Variants in PCDH15 observed in about 807,000 individuals in gnomAD.
PCDH15 encodes protocadherin related 15.
PCDH15 carries 129 observed loss-of-function variants against 178.5 expected under a neutral mutation model. That is an observed-to-expected ratio of 0.72 (90% confidence interval 0.63 to 0.84). The LOEUF (loss-of-function observed/expected upper bound fraction) is 0.84, where lower values mean the gene tolerates loss of function less well. PCDH15 is among the 40% of genes least tolerant of loss of function. The probability of loss-of-function intolerance (pLI) is 0.00; values close to 1 mark genes in which losing one functional copy is unlikely to be tolerated. For synonymous variants in PCDH15, 800 were observed against 732.0 expected, an observed-to-expected ratio of 1.09 and a Z score of -1.50; for missense variants, 2,230 against 2,099.9, an observed-to-expected ratio of 1.06 and a Z score of -1.21.
At chr10:54,805,301 C>T (rs2133722099), upstream of PCDH15, among the ~76,000 whole-genome samples, 1 of 152,042 alleles carries the variant, frequency 6.6e-6, no homozygotes. Context: ...GAATGAAGGC[C>T]TCTGCAGTAT....
At chr10:53,979,962 T>C (rs1356028769) in intron 21 of PCDH15, among the ~76,000 whole-genome samples, 1 of 152,218 alleles carries the variant, frequency 6.6e-6, no homozygotes, top group Admixed American at 6.5e-5. Flanking sequence ...CTCACGCCTG[T>C]AATCCCAGCA....
At chr10:54,572,594 A>C (rs1334944721) in intron 2 of PCDH15, among the ~76,000 whole-genome samples, 1 of 152,142 alleles carries the variant, frequency 6.6e-6, no homozygotes, top group Non-Finnish European at 1.5e-5. Flanking sequence ...CCTGAAGATC[A>C]AGCACCTGGC....
intron 3 of PCDH15, among the ~76,000 whole-genome samples, chr10:54,872,339 T>A (rs919021268): frequency 1.3e-5 from 2 of 152,050 alleles, no homozygotes. Flanking sequence ...AATAGCTGCA[T>A]AGAAACATTC....
chr10:55,384,944 C>A (rs958790266), intron 2 of PCDH15, among the ~76,000 whole-genome samples: 1 of 152,038 alleles, frequency 6.6e-6, no homozygotes, highest in Non-Finnish European at 1.5e-5. Flanking sequence ...TTTCTAGCTA[C>A]ATATAGGTAT....
At chr10:54,932,431 T>C (rs1259459865) in intron 2 of PCDH15, among the ~76,000 whole-genome samples, 2 of 152,196 alleles carry the variant, frequency 1.3e-5, no homozygotes, top group East Asian at 1.9e-4. Flanking sequence ...CTAACTCTCA[T>C]TGCAAAGATT....
At chr10:53,867,325 C>T (rs1229525276) in intron 26 of PCDH15, among the ~76,000 whole-genome samples, 1 of 152,026 alleles carries the variant, frequency 6.6e-6, no homozygotes, top group Non-Finnish European at 1.5e-5. Context: ...CTCTATACCA[C>T]TGTAGAATAA....
intron 2 of PCDH15, among the ~76,000 whole-genome samples, chr10:55,594,129 T>A (rs117421310): frequency 6.6e-6 from 1 of 152,056 alleles, no homozygotes; most frequent in East Asian, 1.9e-4. Flanking sequence ...ACAATATAAG[T>A]ACAAATAATA....
intron 18 of PCDH15, among the ~76,000 whole-genome samples, chr10:54,062,238 AAAAAAAAAAAAAAACAAAAAAC>A (rs1345916764): frequency 6.2e-5 from 6 of 97,354 alleles, no homozygotes; most frequent in Non-Finnish European, 1.3e-4. Context: ...AAAAAAAAAA[AAAAAAAAAAAAAAACAAAAAAC>A]AACTAAATGA....
intron 15 of PCDH15, among the ~76,000 whole-genome samples, chr10:54,120,291 T>C (rs1351952994): frequency 6.6e-6 from 1 of 152,154 alleles, no homozygotes; most frequent in African/African-American, 2.4e-5. Flanking sequence ...CCAAGAACCA[T>C]ATCTGCTACC....
At chr10:54,126,072 ATTT>A (rs5785039) in intron 15 of PCDH15, among the ~76,000 whole-genome samples, 3 of 139,140 alleles carry the variant, frequency 2.2e-5, no homozygotes. Context: ...AAGAATTACC[ATTT>A]TTTTTTTTTT....
At chr10:55,141,364 C>T (rs2132089014) in intron 2 of PCDH15, among the ~76,000 whole-genome samples, 1 of 152,054 alleles carries the variant, frequency 6.6e-6, no homozygotes, top group East Asian at 1.9e-4. Flanking sequence ...AGTCAAATTG[C>T]TGCAAAAAGC....
At chr10:55,529,731 TTGTC>T (rs1193333943) in intron 2 of PCDH15, among the ~76,000 whole-genome samples, 57 of 83,460 alleles carry the variant, frequency 6.8e-4, no homozygotes, top group African/African-American at 2.1e-3. Context: ...ATATATGTGT[TTGTC>T]TGTGAGTATA....
intron 2 of PCDH15, among the ~76,000 whole-genome samples, chr10:55,135,242 G>A (rs774499018): frequency 1.3e-5 from 2 of 151,864 alleles, no homozygotes; most frequent in African/African-American, 4.8e-5. Context: ...ATGATCAGAG[G>A]GATAACAACG....
chr10:55,173,309 ATGTGTGTG>A lies in PCDH15; in HGVS notation c.-155-6666_-155-6659del, dbSNP rs775260037. Among the ~76,000 whole-genome samples the A allele has an allele frequency of 1.2e-3, 159 of 133,134 alleles. 1 individual carries two copies. In the Middle Eastern group the frequency reaches 0.026, roughly 22 times the overall value. 87.3% of individuals were successfully genotyped at this position (133,134 alleles called of 152,430 possible). On this transcript the variant is annotated intron_variant, in intron 1 of 5. Transcript: ENST00000458638. ...CCTTTGATTCTATATTAGAAAGATTATGTGTGTGTGTGTGTGTGTGTGTGTGTGTGTGT... is the reference window on the plus strand; with the variant it reads ...CCTTTGATTCTATATTAGAAAGATTATGTGTGTGTGTGTGTGTGTGTGTGT...
intron 1 of PCDH15, among the ~76,000 whole-genome samples, chr10:55,300,794 T>G (rs957590434): frequency 6.6e-6 from 1 of 152,136 alleles, no homozygotes; most frequent in Non-Finnish European, 1.5e-5. Context: ...AAATGTCAAT[T>G]TAAAAAATAA....
rs115621713 is a variant in PCDH15, at chr10:54,086,594, A to C, written c.1997+3390T>G. ...ATTGTTCTCCATTTCAAATGCATTG[A>C]AATGTATTGCTAGTGGTTCAGGCTA... On this transcript the variant is annotated intron_variant, in intron 16 of 37. Coordinates refer to ENST00000644397, the MANE Select transcript of PCDH15 (RefSeq NM_001384140.1). 9.3e-3 allele frequency among the ~76,000 whole-genome samples: 1,422 copies of C among 152,274 alleles called. 23 individuals carry two copies. The highest frequency in any genetic ancestry group is 0.032 in the African/African-American group (1,311 of 41,576).
chr10:55,148,398 T>C (rs1383543594), intron 2 of PCDH15, among the ~76,000 whole-genome samples: 1 of 151,872 alleles, frequency 6.6e-6, no homozygotes, highest in Non-Finnish European at 1.5e-5. Context: ...CATTGACAAA[T>C]TCTTAACATT....
intron 2 of PCDH15, among the ~76,000 whole-genome samples, chr10:55,105,557 A>G (rs1423447173): frequency 1.3e-5 from 2 of 152,150 alleles, no homozygotes; most frequent in African/African-American, 2.4e-5. Context: ...TTTATTTAAT[A>G]TTACAGGAGG....
At chr10:55,347,190 G>A (rs1588940108) in intron 2 of PCDH15, among the ~76,000 whole-genome samples, 2 of 152,100 alleles carry the variant, frequency 1.3e-5, no homozygotes, top group African/African-American at 4.8e-5. Context: ...ACTCCAGCCT[G>A]GGAAATAGAG....
Sources: gnomAD v4.1 joint callset for allele counts (sites outside exome capture counted in the v4.1 genomes callset) on GRCh38, gnomAD v4.1.1 for gene constraint, MANE v1.5 for transcripts, NCBI Gene and HGNC (gene_info 2026-07-23, HGNC 2026-07-21) for gene names.